PPP2R5C: variants seen among roughly 807,000 people sequenced by gnomAD.
The protein encoded by PPP2R5C is protein phosphatase 2 regulatory subunit B'gamma.
PPP2R5C carries 7 observed loss-of-function variants against 68.9 expected under a neutral mutation model. The observed-to-expected ratio is 0.10, with a 90% confidence interval of 0.06 to 0.19. The LOEUF is 0.19. PPP2R5C is among the 10% of genes least tolerant of loss of function. PPP2R5C has a pLI of 1.00. For missense variants in PPP2R5C, 348 were observed against 641.3 expected, an observed-to-expected ratio of 0.54 and a Z score of 4.94; for synonymous variants, 210 against 222.2, an observed-to-expected ratio of 0.95 and a Z score of 0.49.
At chr14:101,821,289 C>T (rs999896683) in intron 1 of PPP2R5C, among the ~76,000 whole-genome samples, 37 of 151,856 alleles carry the variant, frequency 2.4e-4, no homozygotes, top group Non-Finnish European at 3.2e-4. Flanking sequence ...TATGTGAATA[C>T]GGCCCCATTT....
chr14:101,773,953 C>G (rs1368099056), intron 2 of PPP2R5C, among the ~76,000 whole-genome samples: 1 of 152,216 alleles, frequency 6.6e-6, no homozygotes, highest in Non-Finnish European at 1.5e-5. Flanking sequence ...CCTCGGCCTT[C>G]CGAAGTGCTG....
At chr14:101,775,117 C>T (rs768097792) in intron 2 of PPP2R5C, among the ~76,000 whole-genome samples, 32 of 152,206 alleles carry the variant, frequency 2.1e-4, no homozygotes, top group Admixed American at 3.9e-4. Flanking sequence ...TATCTGAAAC[C>T]AGTACTAGCC....
intron 1 of PPP2R5C, among the ~76,000 whole-genome samples, chr14:101,851,982 G>A (rs1338469939): frequency 1.3e-5 from 2 of 152,032 alleles, no homozygotes; most frequent in Admixed American, 6.6e-5. Flanking sequence ...TAGCAACATC[G>A]GTGAAGTTGG....
rs71116853 is a variant in PPP2R5C at position 101,862,816 on chromosome 14, ATTTTTTTTTTTT to A, written c.294+5942_294+5953del. 1.0e-4 allele frequency among the ~76,000 whole-genome samples: 13 copies of A among 127,220 alleles called. No homozygotes were observed. In the East Asian group the frequency reaches 2.9e-3, roughly 29 times the overall value. The allele number at this position is 127,220 out of a possible 152,430, so 83.5% of individuals were successfully genotyped here. A position where few individuals can be genotyped will look rare whatever the true frequency, so the allele number is the denominator to read the frequency against. ...TGTCATTTACACTAAGACATGATGG[ATTTTTTTTTTTT>A]TTTTTTTTTTAGATGAGGTCTTGCT... On this transcript the variant is annotated intron_variant, in intron 2 of 13. Transcript: ENST00000334743.
chr14:101,819,049 T>C, intron 1 of PPP2R5C: 1 of 1,551,540 alleles, frequency 6.4e-7, no homozygotes, highest in Non-Finnish European at 8.7e-7. Context: ...TCTTCCTGAG[T>C]TGCTGGTTCT....
At chr14:101,820,450 CA>C (rs1405817846) in intron 1 of PPP2R5C, 2 of 152,206 alleles carry the variant, frequency 1.3e-5, no homozygotes, top group African/African-American at 4.8e-5. Flanking sequence ...GGTGAAGAGC[CA>C]CCAAAGTGTA....
intron 2 of PPP2R5C, among the ~76,000 whole-genome samples, chr14:101,770,831 T>G (rs2037106966): frequency 6.6e-6 from 1 of 152,260 alleles, no homozygotes; most frequent in Non-Finnish European, 1.5e-5. Flanking sequence ...CCTGCATCCT[T>G]AGCGGAGCTG....
intron 1 of PPP2R5C, chr14:101,836,324 CCTT>C (rs1566887708): frequency 2.8e-6 from 2 of 702,444 alleles, no homozygotes; most frequent in African/African-American, 3.5e-5. Flanking sequence ...TCTCCCCTGC[CCTT>C]CTTCCTCTAC....
In PPP2R5C at chr14:101,913,484, T is replaced by C. The variant is rs116565793; in HGVS notation, c.1326+1011T>C. The stretch of plus-strand genomic sequence containing the variant: ...CTCAAATCAGGAAAACGGAATGACA[T>C]TTCTAATTGTGAGCCCTTGAGTCCA... On this transcript the variant is annotated intron_variant, in intron 12 of 13. Transcript: ENST00000334743. The surrounding 1 kb of genome is among the most constrained non-coding windows in gnomAD (Gnocchi z 4.1). Among the ~76,000 whole-genome samples, 372 of 152,298 alleles carry C rather than the reference T, an allele frequency of 2.4e-3. 4 individuals carry two copies. Among genetic ancestry groups the C allele is most frequent in the African/African-American group, 8.0e-3 (331 of 41,556 alleles).
chr14:101,764,038 C>CGCGCGCGCGCGCGCGGGT (rs140548459), intron 2 of PPP2R5C, among the ~76,000 whole-genome samples: 327 of 151,986 alleles, frequency 2.2e-3, no homozygotes, highest in African/African-American at 7.4e-3. Context: ...TGGGCGCGCG[C>CGCGCGCGCGCGCGCGGGT]ACTTGCGCGT....
In PPP2R5C at chr14:101,788,397, A is replaced by G. The variant is rs138832774; in HGVS notation, c.259+2214A>G. Among the ~76,000 whole-genome samples the G allele has an allele frequency of 1.4e-4, 21 of 152,294 alleles. No homozygotes were observed. In the East Asian group the frequency reaches 3.3e-3, roughly 24 times the overall value. The stretch of plus-strand genomic sequence containing the variant: ...TTGCATTTGTCAGTTTTGTCGCCGT[A>G]TATTATTCCATGCGCGGGGCAGAGC... On this transcript the variant is annotated intron_variant, in intron 3 of 14. Transcript: ENST00000328724.
At chr14:101,780,924 G>T (rs2037649861) in intron 2 of PPP2R5C, among the ~76,000 whole-genome samples, 1 of 152,150 alleles carries the variant, frequency 6.6e-6, no homozygotes, top group South Asian at 2.1e-4. Context: ...TGAGGCTGGG[G>T]CTTGGCTGCA....
At chr14:101,860,558 TAG>T (rs1421158602) in intron 2 of PPP2R5C, among the ~76,000 whole-genome samples, 2 of 152,128 alleles carry the variant, frequency 1.3e-5, no homozygotes, top group Non-Finnish European at 2.9e-5. Flanking sequence ...TACCTAGGAG[TAG>T]AGTCGCTGGG....
At chr14:101,914,068 A>T (rs1456809470) in intron 12 of PPP2R5C, 2 of 434,624 alleles carry the variant, frequency 4.6e-6, no homozygotes, top group Non-Finnish European at 9.2e-6. Flanking sequence ...CTTCTGAAAT[A>T]CGTATTGTTC....
At chr14:101,761,626 G>C (rs1458777698), upstream of PPP2R5C, among the ~76,000 whole-genome samples, 2 of 134,062 alleles carry the variant, frequency 1.5e-5, no homozygotes, top group Non-Finnish European at 3.3e-5. Context: ...CGGCCGGCCG[G>C]GGGGTGGGAG....
rs569524790 is a variant in PPP2R5C at position 101,770,910 on chromosome 14, G to A, written c.93+7940G>A. On this transcript the variant is annotated intron_variant, in intron 2 of 14. Coordinates refer to the PPP2R5C transcript ENST00000328724. ...CTAAATCACAGGGAAGATTCATCTG[G>A]AATATTTCAATTCGAAGATGGGTCT... Among the ~76,000 whole-genome samples the A allele has an allele frequency of 3.2e-4, 48 of 152,348 alleles. 1 individual carries two copies. The highest frequency in any genetic ancestry group is 1.1e-3 in the African/African-American group (47 of 41,586).
At chr14:101,763,534 T>C (rs1362328532) in intron 2 of PPP2R5C, among the ~76,000 whole-genome samples, 6 of 152,008 alleles carry the variant, frequency 3.9e-5, no homozygotes, top group Non-Finnish European at 7.4e-5. Flanking sequence ...AGGCACCCGC[T>C]ACCACGCCCG....
chr14:101,862,735 C>T (rs2042822151), intron 2 of PPP2R5C, among the ~76,000 whole-genome samples: 1 of 151,430 alleles, frequency 6.6e-6, no homozygotes, highest in Non-Finnish European at 1.5e-5. Flanking sequence ...AAATGTAAAA[C>T]AGTGCCACTT....
At chr14:101,785,209 C>A (rs2038036244) in intron 2 of PPP2R5C, among the ~76,000 whole-genome samples, 1 of 152,104 alleles carries the variant, frequency 6.6e-6, no homozygotes, top group East Asian at 1.9e-4. Context: ...GTGTTCAAGA[C>A]TGAGTGGTGA....
Sources: gnomAD v4.1 joint callset for allele counts (sites outside exome capture counted in the v4.1 genomes callset) on GRCh38, gnomAD v4.1.1 for gene constraint, Gnocchi (gnomAD v3.1) non-coding constraint, MANE v1.5 for transcripts, NCBI Gene and HGNC (gene_info 2026-07-23, HGNC 2026-07-21) for gene names.